ZNF540: variants seen among roughly 807,000 people sequenced by gnomAD.
The protein encoded by ZNF540 is CTD-3064H18.6.
Under a neutral mutation model 11.8 loss-of-function variants are expected in ZNF540, and 3 were observed. The ratio of observed to expected loss-of-function variants is 0.25; its 90% CI spans 0.12 to 0.65. ZNF540 has a LOEUF of 0.65. Among genes scored for constraint, ZNF540 ranks in the 30% least tolerant of loss-of-function variants. The probability of loss-of-function intolerance (pLI) is 0.83; values close to 1 mark genes in which losing one functional copy is unlikely to be tolerated. For synonymous variants in ZNF540, 247 were observed against 259.0 expected (o/e 0.95, Z 0.45); for missense variants, 709 against 793.1 (o/e 0.89, Z 1.27).
chr19:37,597,175 T>A (rs1243519894), intron 1 of ZNF540, among the ~76,000 whole-genome samples: 5 of 151,920 alleles, frequency 3.3e-5, no homozygotes, highest in Non-Finnish European at 7.4e-5. Flanking sequence ...ATTTTTTTTT[T>A]ATTGCTTCCA....
intron 1 of ZNF540, among the ~76,000 whole-genome samples, chr19:37,577,720 A>C (rs943827483): frequency 1.3e-5 from 2 of 152,288 alleles, no homozygotes; most frequent in African/African-American, 4.8e-5. Flanking sequence ...TTCAACTTTA[A>C]ATTTACTCAA....
chr19:37,603,004 C>CT (rs569985494), intron 4 of ZNF540, among the ~76,000 whole-genome samples: 47,187 of 113,108 alleles, frequency 0.42, 10,616 homozygotes, highest in East Asian at 0.77. Context: ...TGTAAGGAGT[C>CT]TTTTTTTTTT....
At chr19:37,591,501 T>C (rs1461603025), upstream of ZNF540, among the ~76,000 whole-genome samples, 2 of 152,228 alleles carry the variant, frequency 1.3e-5, no homozygotes, top group South Asian at 2.1e-4. Context: ...TGAAAATATA[T>C]AAAGGGAAAG....
chr19:37,596,787 C>T (rs1352031147), intron 1 of ZNF540, among the ~76,000 whole-genome samples: 1 of 152,162 alleles, frequency 6.6e-6, no homozygotes, highest in Non-Finnish European at 1.5e-5. Flanking sequence ...ATCTATTTTA[C>T]TCCAGTTTAA....
intron 1 of ZNF540, among the ~76,000 whole-genome samples, chr19:37,581,690 T>C (rs574204750): frequency 2.6e-5 from 4 of 152,046 alleles, no homozygotes; most frequent in Admixed American, 2.6e-4. Flanking sequence ...CCTGAATTCC[T>C]GGGCTCAAGC....
intron 1 of ZNF540, chr19:37,565,275 G>A (rs757087062): frequency 5.3e-5 from 86 of 1,610,694 alleles, no homozygotes; most frequent in Non-Finnish European, 5.3e-5. Context: ...TCACCTGAAT[G>A]AACTCTCAGG....
intron 1 of ZNF540, among the ~76,000 whole-genome samples, chr19:37,597,216 G>T (rs2044003128): frequency 6.6e-6 from 1 of 151,788 alleles, no homozygotes; most frequent in African/African-American, 2.4e-5. Context: ...CCTCTAGTTT[G>T]GGTACTGAGG....
chr19:37,593,804 T>G (rs1029472582), upstream of ZNF540, among the ~76,000 whole-genome samples: 8 of 152,046 alleles, frequency 5.3e-5, no homozygotes, highest in African/African-American at 1.7e-4. Flanking sequence ...AGAGCTAAAC[T>G]GATGATCCCA....
In ZNF540 at chr19:37,556,863, G is replaced by A. The variant is rs143080164; in HGVS notation, c.-73+5198G>A. Among the ~76,000 whole-genome samples, 729 of 152,276 alleles carry A rather than the reference G, an allele frequency of 4.8e-3. 2 individuals carry two copies. The highest frequency in any genetic ancestry group is 8.4e-3 in the Non-Finnish European group (572 of 68,012). ...TACACAAGTTTCTAAGATTAATTTTGTAAGAGTGTTTTTTAGGGTGTGGTT... is the reference window on the plus strand; with the variant it reads ...TACACAAGTTTCTAAGATTAATTTTATAAGAGTGTTTTTTAGGGTGTGGTT... On this transcript the variant is annotated intron_variant, in intron 1 of 4. Coordinates refer to the ZNF540 transcript ENST00000592533.
intron 1 of ZNF540, chr19:37,555,993 T>C (rs1351619945): frequency 8.6e-6 from 6 of 701,370 alleles, no homozygotes; most frequent in East Asian, 2.7e-5. Context: ...AGTGTCAGGG[T>C]GATTCCCAGG....
intron 1 of ZNF540, among the ~76,000 whole-genome samples, chr19:37,588,100 A>C (rs1440308090): frequency 1.7e-4 from 3 of 17,910 alleles, no homozygotes; most frequent in Non-Finnish European, 2.7e-4. Flanking sequence ...ACTCCATCTC[A>C]AAAAAAAAAA....
chr19:37,558,814 C>CTA lies in ZNF540; in HGVS notation c.-73+7163_-73+7164dup, dbSNP rs34909186. ...TTTGTGTGACTATTGCACAACTTCA[C>CTA]TATATATATATATATGGAGAGAGAG... On this transcript the variant is annotated intron_variant, in intron 1 of 4. Coordinates refer to the ZNF540 transcript ENST00000592533. 1.5e-3 allele frequency among the ~76,000 whole-genome samples: 230 copies of CTA among 149,900 alleles called. 1 individual carries two copies. The highest frequency in any genetic ancestry group is 3.4e-3 in the Middle Eastern group (1 of 290).
At chr19:37,573,508 T>C (rs1307382337) in intron 1 of ZNF540, among the ~76,000 whole-genome samples, 1 of 152,116 alleles carries the variant, frequency 6.6e-6, no homozygotes, top group Non-Finnish European at 1.5e-5. Context: ...AATTTTCTTA[T>C]TAATACACTT....
chr19:37,610,268 A>C (rs911917331), intron 4 of ZNF540, among the ~76,000 whole-genome samples: 5 of 152,216 alleles, frequency 3.3e-5, no homozygotes, highest in African/African-American at 1.2e-4. Context: ...CCTTTAAGAC[A>C]ATGATTAATT....
chr19:37,567,880 A>G (rs1160756233), intron 1 of ZNF540: 1 of 152,136 alleles, frequency 6.6e-6, no homozygotes, highest in African/African-American at 2.4e-5. Flanking sequence ...TGCCTGTTTT[A>G]TTATATAGCT....
chr19:37,553,010 T>C (rs1600435763), intron 1 of ZNF540, among the ~76,000 whole-genome samples: 1 of 3,944 alleles, frequency 2.5e-4, no homozygotes. Flanking sequence ...TTGCATGGTG[T>C]TTTTTTTTTT....
At chr19:37,604,914 A>G (rs1179557565) in intron 4 of ZNF540, among the ~76,000 whole-genome samples, 2 of 152,094 alleles carry the variant, frequency 1.3e-5, no homozygotes, top group Non-Finnish European at 1.5e-5. Flanking sequence ...GTGTCATACT[A>G]CTTCTACTTC....
intron 4 of ZNF540, among the ~76,000 whole-genome samples, chr19:37,610,506 G>A (rs2044119884): frequency 6.6e-6 from 1 of 152,166 alleles, no homozygotes; most frequent in Admixed American, 6.5e-5. Flanking sequence ...CAGTCGGTAG[G>A]GCAAGCCTTT....
At chr19:37,568,711 T>C (rs2042953094) in intron 1 of ZNF540, among the ~76,000 whole-genome samples, 1 of 152,138 alleles carries the variant, frequency 6.6e-6, no homozygotes, top group South Asian at 2.1e-4. Context: ...TATAAAAATG[T>C]ATTCAATTAA....
Sources: gnomAD v4.1 joint callset for allele counts (sites outside exome capture counted in the v4.1 genomes callset) on GRCh38, gnomAD v4.1.1 for gene constraint, MANE v1.5 for transcripts, NCBI Gene and HGNC (gene_info 2026-07-23, HGNC 2026-07-21) for gene names.